The following CDCP2 variants were observed in gnomAD, a reference collection of about 807,000 sequenced individuals.
CDCP2 encodes CUB domain-containing protein 2.
In CDCP2, 31 loss-of-function variants were observed where a neutral mutation model predicts 31.0. The ratio of observed to expected loss-of-function variants is 1.00; its 90% CI spans 0.75 to 1.35. The LOEUF is 1.35. Among genes scored for constraint, CDCP2 ranks in the 40% most tolerant of loss-of-function variants. The pLI is 0.00. For missense variants in CDCP2, 443 were observed against 482.6 expected (o/e 0.92, Z 0.77); for synonymous variants, 206 against 207.9 (o/e 0.99, Z 0.08).
At chr1:54,145,224 G>A (rs767373931) in intron 1 of CDCP2, among the ~76,000 whole-genome samples, 3 of 152,078 alleles carry the variant, frequency 2.0e-5, no homozygotes, top group Non-Finnish European at 2.9e-5. Context: ...TCAGGAGTTC[G>A]AGACCAGCCT....
intron 1 of CDCP2, among the ~76,000 whole-genome samples, chr1:54,150,595 TA>T (rs559491653): frequency 0.015 from 2,207 of 144,786 alleles, 38 homozygotes; most frequent in African/African-American, 0.043. Context: ...AGACTCCATT[TA>T]AAAAAAAAAA....
intron 5 of CDCP2, among the ~76,000 whole-genome samples, chr1:54,133,913 C>CAAACAAA (rs748829165): frequency 2.1e-5 from 3 of 144,890 alleles, no homozygotes; most frequent in Non-Finnish European, 4.5e-5. Flanking sequence ...AACAAACAAA[C>CAAACAAA]AAAAAAAACC....
At chr1:54,140,422 C>A in intron 3 of CDCP2, 2 of 420,210 alleles carry the variant, frequency 4.8e-6, no homozygotes, top group Non-Finnish European at 8.9e-6. Context: ...TACCTCTGAA[C>A]TCCCTGGCTT....
At chr1:54,151,607 C>T (rs1161791672) in intron 1 of CDCP2, among the ~76,000 whole-genome samples, 1 of 152,180 alleles carries the variant, frequency 6.6e-6, no homozygotes, top group Non-Finnish European at 1.5e-5. Context: ...CCTCCCACCA[C>T]CCAGGCATGG....
chr1:54,132,897 G>T, downstream of CDCP2: 1 of 397,926 alleles, frequency 2.5e-6, no homozygotes, highest in Non-Finnish European at 4.4e-6. Flanking sequence ...GCAAGTCCCC[G>T]TCCCACCCCT....
intron 2 of CDCP2, chr1:54,143,652 G>T (rs1659412035): frequency 6.6e-6 from 1 of 152,148 alleles, no homozygotes; most frequent in Admixed American, 6.5e-5. Context: ...AGTGACTGGG[G>T]TCCCACCTGA....
chr1:54,139,451 TAAC>T, intron 4 of CDCP2: 6 of 1,270,130 alleles, frequency 4.7e-6, no homozygotes, highest in Non-Finnish European at 6.6e-6. Context: ...AGGGGACCAA[TAAC>T]AACACAAGAG....
At position 54,137,692 on chromosome 1, in the gene CDCP2, T is replaced by C. The variant is rs78427325; in HGVS notation, c.1118-884A>G. On this transcript the variant is annotated intron_variant, in intron 4 of 5. Transcript: ENST00000530059. Reference sequence around the variant, plus strand: ...GTGTGTGTGTGTGTGTGCGTGTGTGTGTGTGTGTGTGTGCATGCGGGGGCA... The same window carrying C: ...GTGTGTGTGTGTGTGTGCGTGTGTGCGTGTGTGTGTGTGCATGCGGGGGCA... 150 of 146,158 alleles carry C rather than the reference T, an allele frequency of 1.0e-3. 2 individuals are homozygous for C. Among genetic ancestry groups the C allele is most frequent in the African/African-American group, 2.3e-3 (91 of 39,248 alleles). The allele number at this position is 146,158 out of a possible 1,614,324, so 9.1% of individuals were successfully genotyped here. A position where few individuals can be genotyped will look rare whatever the true frequency, so the allele number is the denominator to read the frequency against.
At chr1:54,140,851 A>G (rs1659355053) in intron 3 of CDCP2, 1 of 391,690 alleles carries the variant, frequency 2.6e-6, no homozygotes. Context: ...ATGTTAGATC[A>G]TAGTGTAAAA....
At chr1:54,149,096 TG>T (rs1659530377) in intron 1 of CDCP2, among the ~76,000 whole-genome samples, 1 of 150,190 alleles carries the variant, frequency 6.7e-6, no homozygotes, top group South Asian at 2.1e-4. Flanking sequence ...CCAGGAGTGA[TG>T]GAGTGCTCCT....
chr1:54,148,965 T>TAAAA (rs57570905), intron 1 of CDCP2, among the ~76,000 whole-genome samples: 2 of 120,014 alleles, frequency 1.7e-5, no homozygotes, highest in South Asian at 2.9e-4. Flanking sequence ...ATGAATTGTT[T>TAAAA]AAAAAAAAAA....
At chr1:54,140,457 G>A (rs936110450) in intron 3 of CDCP2, 1 of 372,310 alleles carries the variant, frequency 2.7e-6, no homozygotes, top group South Asian at 2.4e-5. Flanking sequence ...TTCATGCCTG[G>A]CCTTTCCCCT....
chr1:54,139,451 T>C (rs1452128481), intron 4 of CDCP2: 2 of 1,270,012 alleles, frequency 1.6e-6, no homozygotes, highest in African/African-American at 1.5e-5. Flanking sequence ...AGGGGACCAA[T>C]AACAACACAA....
At chr1:54,150,857 A>G (rs964339457) in intron 1 of CDCP2, among the ~76,000 whole-genome samples, 3 of 152,196 alleles carry the variant, frequency 2.0e-5, no homozygotes, top group Non-Finnish European at 2.9e-5. Flanking sequence ...CCAAATCCCT[A>G]TAAGAGAAGA....
chr1:54,152,074 C>T (rs1354086017), intron 1 of CDCP2, among the ~76,000 whole-genome samples: 1 of 152,074 alleles, frequency 6.6e-6, no homozygotes, highest in Non-Finnish European at 1.5e-5. Context: ...AGTTGGAGCC[C>T]ACACTCAGAG....
At chr1:54,132,848 C>T (rs1659189069), downstream of CDCP2, 10 of 397,514 alleles carry the variant, frequency 2.5e-5, no homozygotes, top group Non-Finnish European at 4.4e-5. Flanking sequence ...GAAATGGAGG[C>T]TCAGAGAGGG....
At chr1:54,144,499 C>A (rs762584819) in exon 2 of CDCP2, 2 of 1,594,716 alleles carry the variant, frequency 1.3e-6, no homozygotes, top group Non-Finnish European at 1.7e-6. Flanking sequence ...CCATGGCTGG[C>A]CACATGCTTG....
chr1:54,151,257 T>C (rs1659579408), intron 1 of CDCP2, among the ~76,000 whole-genome samples: 1 of 152,184 alleles, frequency 6.6e-6, no homozygotes, highest in Non-Finnish European at 1.5e-5. Flanking sequence ...TGAGCACTGA[T>C]GAGCTAAAGG....
At chr1:54,152,762 A>T (rs7528345) in intron 1 of CDCP2, 82 bp downstream of exon 1, 961,152 of 1,329,436 alleles carry the variant, frequency 0.72, 350,419 homozygotes, top group Non-Finnish European at 0.74. Flanking sequence ...CTGGCTTCCC[A>T]TGTAGAAACT....
Sources: allele counts gnomAD v4.1 joint callset (sites outside exome capture counted in the v4.1 genomes callset), GRCh38; gene constraint gnomAD v4.1.1; transcripts MANE v1.5; gene names NCBI Gene and HGNC (gene_info 2026-07-23, HGNC 2026-07-21).